DCC: variants seen among roughly 807,000 people sequenced by gnomAD.
The protein encoded by DCC is DCC netrin 1 receptor, also known as netrin receptor DCC.
DCC carries 58 observed loss-of-function variants against 172.5 expected under a neutral mutation model. That is an observed-to-expected ratio of 0.34 (90% confidence interval 0.27 to 0.42). The LOEUF (loss-of-function observed/expected upper bound fraction) is 0.42. DCC is among the 10% of genes least tolerant of loss of function. DCC has a pLI of 1.00. For synonymous variants in DCC, 709 were observed against 644.5 expected (o/e 1.10, Z -1.52); for missense variants, 1,740 against 1,791.0 (o/e 0.97, Z 0.51).
At chr18:53,249,943 T>C (rs972692698) in intron 12 of DCC, among the ~76,000 whole-genome samples, 1 of 151,976 alleles carries the variant, frequency 6.6e-6, no homozygotes, top group Non-Finnish European at 1.5e-5. Flanking sequence ...GTTGGATTTT[T>C]AATCACAGAA....
intron 1 of DCC, among the ~76,000 whole-genome samples, chr18:52,437,388 A>C (rs1276105904): frequency 6.6e-6 from 1 of 152,196 alleles, no homozygotes; most frequent in Non-Finnish European, 1.5e-5. Flanking sequence ...ACAGCAAGAT[A>C]AATTATGTGT....
chr18:53,263,095 AATC>A (rs1364812232), intron 12 of DCC, among the ~76,000 whole-genome samples: 1 of 152,206 alleles, frequency 6.6e-6, no homozygotes, highest in Non-Finnish European at 1.5e-5. Flanking sequence ...AATGTTAAAA[AATC>A]ATCTCTTTTA....
intron 7 of DCC, among the ~76,000 whole-genome samples, chr18:53,118,723 T>C (rs558071629): frequency 1.3e-5 from 2 of 151,892 alleles, no homozygotes; most frequent in South Asian, 2.1e-4. Flanking sequence ...ACAATAGTTA[T>C]GTAAAAATAT....
chr18:52,435,693 C>T (rs1987770865), intron 1 of DCC, among the ~76,000 whole-genome samples: 1 of 152,180 alleles, frequency 6.6e-6, no homozygotes, highest in Non-Finnish European at 1.5e-5. Context: ...TTGATATTTG[C>T]CATTTCTGCC....
intron 2 of DCC, among the ~76,000 whole-genome samples, chr18:52,824,129 A>G (rs1001633679): frequency 6.6e-6 from 1 of 152,206 alleles, no homozygotes; most frequent in African/African-American, 2.4e-5. Flanking sequence ...TTTATTCTCA[A>G]GATGGCTTCG....
intron 1 of DCC, among the ~76,000 whole-genome samples, chr18:52,624,481 TG>T (rs2034536357): frequency 6.6e-6 from 1 of 152,188 alleles, no homozygotes. Flanking sequence ...TAAACTTCTG[TG>T]GGGTTTGTTC....
At chr18:53,111,703 A>C (rs576304392) in intron 7 of DCC, among the ~76,000 whole-genome samples, 1 of 151,812 alleles carries the variant, frequency 6.6e-6, no homozygotes, top group South Asian at 2.1e-4. Context: ...AATGGGATAC[A>C]TATATGTCCA....
At chr18:53,505,481 C>T (rs1055933108) in intron 27 of DCC, among the ~76,000 whole-genome samples, 48 of 151,994 alleles carry the variant, frequency 3.2e-4, no homozygotes, top group African/African-American at 1.1e-3. Flanking sequence ...GCAAAAACTT[C>T]TTTTGGGGAG....
intron 25 of DCC, among the ~76,000 whole-genome samples, chr18:53,478,603 G>A (rs781669698): frequency 6.6e-6 from 1 of 152,126 alleles, no homozygotes; most frequent in Non-Finnish European, 1.5e-5. Context: ...TCTCAAAAAG[G>A]TAGCCTGAAA....
intron 21 of DCC, among the ~76,000 whole-genome samples, chr18:53,431,294 G>GA (rs1857502840): frequency 6.9e-6 from 1 of 145,292 alleles, no homozygotes; most frequent in Admixed American, 6.8e-5. Context: ...TTTTTTTTAT[G>GA]AAATTAGCTG....
intron 9 of DCC, among the ~76,000 whole-genome samples, chr18:53,200,159 T>C (rs981091841): frequency 1.3e-5 from 2 of 152,148 alleles, no homozygotes. Flanking sequence ...CAAATTATGG[T>C]ACTTACTGCC....
intron 2 of DCC, among the ~76,000 whole-genome samples, chr18:52,881,314 A>G (rs762252959): frequency 1.3e-5 from 2 of 151,822 alleles, no homozygotes; most frequent in African/African-American, 2.4e-5. Flanking sequence ...TTTCCTTTTC[A>G]TGTTGACTGT....
At chr18:53,190,941 T>C (rs531567249) in intron 9 of DCC, among the ~76,000 whole-genome samples, 79 of 152,198 alleles carry the variant, frequency 5.2e-4, no homozygotes, top group African/African-American at 1.7e-3. Context: ...GCGGACTCCG[T>C]CTTAAGAAAC....
chr18:52,431,937 G>A (rs1421405975), intron 1 of DCC, among the ~76,000 whole-genome samples: 1 of 152,112 alleles, frequency 6.6e-6, no homozygotes, highest in Non-Finnish European at 1.5e-5. Flanking sequence ...TCATCCCTCA[G>A]ACTCTGACAC....
chr18:52,621,870 C>G (rs1205101234), intron 1 of DCC, among the ~76,000 whole-genome samples: 5 of 152,134 alleles, frequency 3.3e-5, no homozygotes, highest in African/African-American at 1.2e-4. Flanking sequence ...ACTTGCTTTG[C>G]CATGAAGGGG....
intron 2 of DCC, among the ~76,000 whole-genome samples, chr18:52,875,034 G>T (rs969425528): frequency 6.6e-6 from 1 of 152,012 alleles, no homozygotes; most frequent in African/African-American, 2.4e-5. Flanking sequence ...ATTGCCTTCT[G>T]GGGTGTTTGG....
At chr18:53,179,968 A>G (rs2055169977) in intron 9 of DCC, among the ~76,000 whole-genome samples, 1 of 152,252 alleles carries the variant, frequency 6.6e-6, no homozygotes, top group South Asian at 2.1e-4. Flanking sequence ...TCCTTTTTAT[A>G]TAACAAAATT....
chr18:53,012,074 G>T (rs563682701), intron 5 of DCC, among the ~76,000 whole-genome samples: 66 of 151,964 alleles, frequency 4.3e-4, no homozygotes, highest in Middle Eastern at 6.8e-3. Context: ...AAGAGCTGGT[G>T]TGCACGTATA....
intron 1 of DCC, among the ~76,000 whole-genome samples, chr18:52,363,876 T>C (rs2144276607): frequency 6.6e-6 from 1 of 152,344 alleles, no homozygotes. Context: ...GGCTTTTTTC[T>C]TAGTGACTTT....
Sources: gnomAD v4.1 joint callset for allele counts (sites outside exome capture counted in the v4.1 genomes callset) on GRCh38, gnomAD v4.1.1 for gene constraint, MANE v1.5 for transcripts, NCBI Gene and HGNC (gene_info 2026-07-23, HGNC 2026-07-21) for gene names.